FANCC: variants seen among roughly 807,000 people sequenced by gnomAD.
The protein encoded by FANCC is Fanconi anemia group C protein.
FANCC carries 55 observed loss-of-function variants against 71.3 expected under a neutral mutation model. The ratio of observed to expected loss-of-function variants is 0.77; its 90% CI spans 0.62 to 0.97. FANCC has a LOEUF of 0.97. FANCC is among the 50% of genes least tolerant of loss of function. The pLI is 0.00. For synonymous variants in FANCC, 275 were observed against 244.9 expected (o/e 1.12, Z -1.15); for missense variants, 678 against 670.9 (o/e 1.01, Z -0.12).
chr9:95,299,557 A>G (rs1834594497), intron 1 of FANCC, among the ~76,000 whole-genome samples: 1 of 152,220 alleles, frequency 6.6e-6, no homozygotes, highest in African/African-American at 2.4e-5. Flanking sequence ...TACTAATGGT[A>G]TCACAAATAT....
chr9:95,292,645 A>G, intron 1 of FANCC: 2 of 1,401,564 alleles, frequency 1.4e-6, no homozygotes, highest in Non-Finnish European at 2.0e-6. Flanking sequence ...CTCAACATGC[A>G]CCTGGTCAAG....
chr9:95,139,722 A>G (rs1347906734), intron 7 of FANCC, among the ~76,000 whole-genome samples: 2 of 151,596 alleles, frequency 1.3e-5, no homozygotes, highest in Non-Finnish European at 2.9e-5. Flanking sequence ...TTTAACAAGC[A>G]TAAGGTATGG....
chr9:95,130,268 G>C (rs931174969), intron 8 of FANCC, among the ~76,000 whole-genome samples: 5 of 151,698 alleles, frequency 3.3e-5, no homozygotes, highest in Admixed American at 3.3e-4. Context: ...ATTTCTTTCT[G>C]TCATTTGCTG....
At chr9:95,291,967 A>AAAAATAT (rs1441757988) in intron 1 of FANCC, among the ~76,000 whole-genome samples, 29 of 50,410 alleles carry the variant, frequency 5.8e-4, no homozygotes, top group Admixed American at 1.0e-3. Context: ...AAAAAAAAAA[A>AAAAATAT]ATATATATAT....
intron 13 of FANCC, chr9:95,110,198 G>A (rs2071798978): frequency 1.0e-6 from 1 of 960,818 alleles, no homozygotes; most frequent in Admixed American, 6.0e-5. Flanking sequence ...GCTAGTAGAA[G>A]ATGTGCCAAT....
Position 95,099,282 on chromosome 9 carries a change from T to C in FANCC, c.*2425A>G. ...AGGGAGAGTCTACAAAAACTCCTGC[T>C]AGAGTAAGGTCAGATTCCAGACCCT... On this transcript the variant is annotated 3_prime_UTR_variant, in exon 15 of 15. Transcript: ENST00000289081. 1.8e-5 allele frequency: 4 copies of C among 221,830 alleles called. No individual in the cohort carries two copies. The highest frequency in any genetic ancestry group is 3.6e-5 in the Non-Finnish European group (4 of 111,060). 13.7% of individuals were successfully genotyped at this position (221,830 alleles called of 1,614,324 possible). A position where few individuals can be genotyped will look rare whatever the true frequency, so the allele number is the denominator to read the frequency against.
chr9:95,117,786 C>T (rs1004118005), intron 10 of FANCC, among the ~76,000 whole-genome samples: 10 of 150,092 alleles, frequency 6.7e-5, no homozygotes, highest in Non-Finnish European at 1.0e-4. Flanking sequence ...TGCAATGGCG[C>T]GATCTCAGCT....
At chr9:95,162,076 C>T (rs1488517160) in intron 6 of FANCC, among the ~76,000 whole-genome samples, 3 of 152,012 alleles carry the variant, frequency 2.0e-5, no homozygotes, top group African/African-American at 4.8e-5. Flanking sequence ...TCCTGACCTC[C>T]GGTGATCCGC....
chr9:95,292,218 A>C (rs1014673641), intron 1 of FANCC: 1 of 162,974 alleles, frequency 6.1e-6, no homozygotes, highest in African/African-American at 2.4e-5. Context: ...AGTCTCTTCA[A>C]TGAATGGTGT....
chr9:95,298,040 A>G (rs1834494150), intron 1 of FANCC, among the ~76,000 whole-genome samples: 1 of 152,170 alleles, frequency 6.6e-6, no homozygotes, highest in Admixed American at 6.5e-5. Flanking sequence ...TCTGTTTCAG[A>G]AAAATCACAC....
At chr9:95,217,613 C>T (rs1828954982) in intron 4 of FANCC, among the ~76,000 whole-genome samples, 1 of 152,050 alleles carries the variant, frequency 6.6e-6, no homozygotes, top group Non-Finnish European at 1.5e-5. Context: ...AGTGGATGCA[C>T]ATAAAGCAGC....
At chr9:95,199,210 G>A in intron 4 of FANCC, among the ~76,000 whole-genome samples, 1 of 152,014 alleles carries the variant, frequency 6.6e-6, no homozygotes, top group East Asian at 1.9e-4. Flanking sequence ...TCCACAGACT[G>A]CACTCTGGCC....
At chr9:95,199,562 C>G (rs976442067) in intron 4 of FANCC, among the ~76,000 whole-genome samples, 2 of 152,220 alleles carry the variant, frequency 1.3e-5, no homozygotes, top group African/African-American at 4.8e-5. Context: ...GAAGTACTGA[C>G]TGATGGCTGT....
intron 7 of FANCC, among the ~76,000 whole-genome samples, chr9:95,148,994 G>A (rs1829930636): frequency 6.6e-6 from 1 of 152,042 alleles, no homozygotes; most frequent in African/African-American, 2.4e-5. Context: ...CCCACCAGAA[G>A]CAGATATGAG....
chr9:95,231,459 T>G (rs1040597304), intron 4 of FANCC, among the ~76,000 whole-genome samples: 7 of 152,134 alleles, frequency 4.6e-5, no homozygotes, highest in African/African-American at 1.7e-4. Flanking sequence ...CCTCTTCCTG[T>G]GAGGACCCTG....
chr9:95,306,426 T>C (rs1159464240), intron 1 of FANCC, among the ~76,000 whole-genome samples: 2 of 152,146 alleles, frequency 1.3e-5, no homozygotes, highest in South Asian at 2.1e-4. Context: ...ATTTACACAG[T>C]AGAAAGATGC....
At chr9:95,184,169 T>C (rs1209650714) in intron 4 of FANCC, among the ~76,000 whole-genome samples, 2 of 152,170 alleles carry the variant, frequency 1.3e-5, no homozygotes, top group Non-Finnish European at 2.9e-5. Context: ...AAATGAATTT[T>C]ATTTATTTAC....
chr9:95,260,873 A>G (rs1186333275), intron 1 of FANCC, among the ~76,000 whole-genome samples: 2 of 152,128 alleles, frequency 1.3e-5, no homozygotes, highest in Admixed American at 1.3e-4. Context: ...TTTTTAACTG[A>G]GTTCTCTGTC....
chr9:95,233,016 G>C (rs1212985321), intron 4 of FANCC, among the ~76,000 whole-genome samples: 1 of 152,126 alleles, frequency 6.6e-6, no homozygotes, highest in African/African-American at 2.4e-5. Context: ...CAGAGAAGCT[G>C]TGTTGGTTAA....
Sources: gnomAD v4.1 joint callset for allele counts (sites outside exome capture counted in the v4.1 genomes callset) on GRCh38, gnomAD v4.1.1 for gene constraint, MANE v1.5 for transcripts, NCBI Gene and HGNC (gene_info 2026-07-23, HGNC 2026-07-21) for gene names.